Variants in ERBB4 observed in about 807,000 individuals in gnomAD.
ERBB4 encodes receptor tyrosine-protein kinase erbB-4.
Under a neutral mutation model 158.0 loss-of-function variants are expected in ERBB4, and 42 were observed. That is an observed-to-expected ratio of 0.27 (90% CI 0.21 to 0.34). The LOEUF (loss-of-function observed/expected upper bound fraction) is 0.34. ERBB4 is among the 10% of genes least tolerant of loss of function. The probability of loss-of-function intolerance (pLI) is 1.00; values close to 1 mark genes in which losing one functional copy is unlikely to be tolerated. For missense variants in ERBB4, 1,333 were observed against 1,624.1 expected (o/e 0.82, Z 3.08); for synonymous variants, 583 against 558.7 (o/e 1.04, Z -0.61).
chr2:212,470,632 T>C (rs1335237635), intron 1 of ERBB4, among the ~76,000 whole-genome samples: 2 of 152,096 alleles, frequency 1.3e-5, no homozygotes, highest in Admixed American at 6.6e-5. Flanking sequence ...GTGAAAAGCA[T>C]AGATAGATGA....
intron 12 of ERBB4, among the ~76,000 whole-genome samples, chr2:211,682,452 C>T (rs970663162): frequency 6.6e-6 from 1 of 152,042 alleles, no homozygotes; most frequent in African/African-American, 2.4e-5. Flanking sequence ...CAAATGCTAA[C>T]CTCATTTAGA....
rs564443947 is a variant in ERBB4, at chr2:211,728,142, C to T, written c.623-2948G>A. ...TTAATACTGAATTTTTCCCAATCAA[C>T]TGACTCCTTATGAACCTTCATCTTC... is the stretch of plus-strand genomic sequence containing the variant. On this transcript the variant is annotated intron_variant, in intron 5 of 27. Coordinates refer to ENST00000342788, the MANE Select transcript of ERBB4 (RefSeq NM_005235.3). 2.6e-5 allele frequency among the ~76,000 whole-genome samples: 4 copies of T among 151,950 alleles called. No homozygotes were observed. The East Asian group carries it at 7.7e-4, about 29-fold the overall frequency.
intron 1 of ERBB4, among the ~76,000 whole-genome samples, chr2:212,511,162 A>G (rs1691497070): frequency 6.6e-6 from 1 of 152,190 alleles, no homozygotes; most frequent in African/African-American, 2.4e-5. Flanking sequence ...GATGTATAGA[A>G]GAATTAAAGA....
At position 212,538,599 on chromosome 2, in the gene ERBB4, C is replaced by A. The variant is rs1036730150; in HGVS notation, c.-69G>T. ...ATGGCATATCCCCCTTTCGGGCACG[C>A]GGAGGAGATCCCCCAGCCGGGCGCG... On this transcript the variant is annotated 5_prime_UTR_variant, in exon 1 of 28. Transcript: ENST00000342788. The A allele has an allele frequency of 6.7e-7, 1 of 1,483,586 alleles. No homozygotes were observed. Among genetic ancestry groups the A allele is most frequent in the Admixed American group, 1.7e-5 (1 of 59,732 alleles). The allele number at this position is 1,483,586 out of a possible 1,614,324, so 91.9% of individuals were successfully genotyped here.
chr2:211,731,139 A>T (rs2074415007), intron 5 of ERBB4, among the ~76,000 whole-genome samples: 1 of 152,162 alleles, frequency 6.6e-6, no homozygotes, highest in Admixed American at 6.5e-5. Flanking sequence ...TGGATAAATG[A>T]AATACCAGTA....
chr2:211,550,574 A>AATAT (rs376362405), intron 20 of ERBB4, among the ~76,000 whole-genome samples: 5,737 of 136,820 alleles, frequency 0.042, 388 homozygotes, highest in African/African-American at 0.14. Flanking sequence ...CATTCCTTAG[A>AATAT]ATATATATAT....
chr2:212,226,408 C>T (rs998929898), intron 1 of ERBB4, among the ~76,000 whole-genome samples: 4 of 67,284 alleles, frequency 5.9e-5, no homozygotes, highest in Non-Finnish European at 1.3e-4. Context: ...ATAGTAAAGA[C>T]ATGGGGGGGG....
chr2:211,420,784 C>G (rs556238723), intron 24 of ERBB4, among the ~76,000 whole-genome samples, 173 bp from the exon 25 acceptor site: 1 of 151,962 alleles, frequency 6.6e-6, no homozygotes, highest in South Asian at 2.1e-4. Context: ...CTATAACATG[C>G]TTAGAAATGA....
At chr2:211,890,297 G>C (rs1302329952) in intron 3 of ERBB4, among the ~76,000 whole-genome samples, 6 of 121,806 alleles carry the variant, frequency 4.9e-5, no homozygotes, top group Non-Finnish European at 6.8e-5. Flanking sequence ...TTCATATCCA[G>C]CCAAACTAAG....
chr2:211,968,253 A>C (rs1425679975), intron 2 of ERBB4, among the ~76,000 whole-genome samples: 3 of 152,028 alleles, frequency 2.0e-5, no homozygotes, highest in Non-Finnish European at 2.9e-5. Context: ...CAATAAAAAC[A>C]CCCTCAAGTT....
chr2:212,397,091 T>C (rs577242532), intron 1 of ERBB4, among the ~76,000 whole-genome samples: 10 of 152,322 alleles, frequency 6.6e-5, no homozygotes, highest in African/African-American at 2.2e-4. Flanking sequence ...CTTCTTCTAT[T>C]GTTAAAAAAC....
chr2:211,782,405 A>G (rs1174801451), intron 4 of ERBB4, among the ~76,000 whole-genome samples: 4 of 147,670 alleles, frequency 2.7e-5, no homozygotes, highest in Non-Finnish European at 5.9e-5. Context: ...GTCTGAATTG[A>G]CCACTGTCAC....
At chr2:211,745,186 C>T (rs1184910773) in intron 5 of ERBB4, among the ~76,000 whole-genome samples, 1 of 152,070 alleles carries the variant, frequency 6.6e-6, no homozygotes, top group Non-Finnish European at 1.5e-5. Flanking sequence ...AAATAACTGA[C>T]TTTAAAAAAA....
intron 16 of ERBB4, among the ~76,000 whole-genome samples, chr2:211,635,961 T>C (rs1390986905): frequency 6.6e-6 from 1 of 152,088 alleles, no homozygotes; most frequent in Non-Finnish European, 1.5e-5. Context: ...TAGTATTGAC[T>C]ATGAATCAAA....
At chr2:212,158,203 T>G (rs2081098279) in intron 1 of ERBB4, among the ~76,000 whole-genome samples, 1 of 152,006 alleles carries the variant, frequency 6.6e-6, no homozygotes, top group Admixed American at 6.6e-5. Context: ...GTCACATGGA[T>G]AGCAAATGCA....
At position 211,623,954 on chromosome 2, in the gene ERBB4, G is replaced by A. The variant is rs752771315; in HGVS notation, c.2170C>T (p.Leu724Phe). ...KETELKRVKV[L>F]GSGAFGTVYK... ...ACCGTTCCAAAAGCACCTGAGCCAA[G>A]GACTTTTACCCTCTTCAGCTCAGTT... The change falls in exon 18 of 28, where the codon CTT becomes TTT. Residue 724 changes from leucine to phenylalanine, a missense_variant. Coordinates refer to ENST00000342788, the MANE Select transcript of ERBB4 (RefSeq NM_005235.3). The A allele has an allele frequency of 1.9e-6, 3 of 1,613,998 alleles. No individual in the cohort carries two copies. Among genetic ancestry groups the A allele is most frequent in the South Asian group, 1.1e-5 (1 of 91,084 alleles).
At chr2:212,089,771 G>A (rs993188608) in intron 2 of ERBB4, among the ~76,000 whole-genome samples, 12 of 152,068 alleles carry the variant, frequency 7.9e-5, no homozygotes, top group African/African-American at 2.9e-4. Flanking sequence ...CCCAGTCTCA[G>A]GTATTTGTTT....
At chr2:212,452,016 T>G (rs1338795555) in intron 1 of ERBB4, among the ~76,000 whole-genome samples, 3 of 151,942 alleles carry the variant, frequency 2.0e-5, no homozygotes, top group East Asian at 3.8e-4. Flanking sequence ...CAGGTTTTTT[T>G]TTTTTTTTTT....
chr2:211,544,234 A>G (rs915311005), intron 20 of ERBB4, among the ~76,000 whole-genome samples: 5 of 152,096 alleles, frequency 3.3e-5, no homozygotes, highest in African/African-American at 1.2e-4. Flanking sequence ...ATTGACATAC[A>G]TAGTCTGTGC....
Sources: gnomAD v4.1 joint callset for allele counts (sites outside exome capture counted in the v4.1 genomes callset) on GRCh38, gnomAD v4.1.1 for gene constraint, MANE v1.5 for transcripts, NCBI Gene and HGNC (gene_info 2026-07-23, HGNC 2026-07-21) for gene names.